Variants in CAB39 observed in about 807,000 individuals in gnomAD.
CAB39 encodes the protein calcium binding protein 39, also known as calcium-binding protein 39.
Under a neutral mutation model 40.0 loss-of-function variants are expected in CAB39, and 8 were observed. The observed-to-expected ratio is 0.20, with a 90% CI of 0.12 to 0.36. CAB39 has a LOEUF of 0.36. Among genes scored for constraint, CAB39 ranks in the 10% least tolerant of loss-of-function variants. CAB39 has a pLI of 1.00. For synonymous variants in CAB39, 156 were observed against 141.6 expected (o/e 1.10, Z -0.72); for missense variants, 270 against 401.1 (o/e 0.67, Z 2.79).
chr2:230,796,224 T>C (rs1303997477), intron 4 of CAB39, among the ~76,000 whole-genome samples: 2 of 152,264 alleles, frequency 1.3e-5, no homozygotes, highest in African/African-American at 4.8e-5. Context: ...ACTGCTTCCA[T>C]ACAGTGTGAT....
intron 3 of CAB39, among the ~76,000 whole-genome samples, chr2:230,792,562 G>A (rs1443717964): frequency 1.3e-5 from 2 of 152,164 alleles, no homozygotes; most frequent in Non-Finnish European, 2.9e-5. Flanking sequence ...GCAGCTTTCC[G>A]ATTGTAAGAT....
At chr2:230,735,716 T>G (rs948035019) in intron 1 of CAB39, among the ~76,000 whole-genome samples, 9 of 151,824 alleles carry the variant, frequency 5.9e-5, no homozygotes, top group Non-Finnish European at 1.3e-4. Context: ...GGTCTCACTG[T>G]GGTGCCCAGG....
At chr2:230,754,710 G>A (rs1695159391) in intron 1 of CAB39, among the ~76,000 whole-genome samples, 1 of 152,136 alleles carries the variant, frequency 6.6e-6, no homozygotes, top group Non-Finnish European at 1.5e-5. Flanking sequence ...GTAGAGACAG[G>A]GTTTTGCCAT....
At chr2:230,797,598 G>A (rs1199715102) in intron 4 of CAB39, among the ~76,000 whole-genome samples, 4 of 152,058 alleles carry the variant, frequency 2.6e-5, no homozygotes, top group African/African-American at 7.2e-5. Context: ...GCCCTTTAAC[G>A]GAAGTTGTCC....
intron 5 of CAB39, among the ~76,000 whole-genome samples, chr2:230,802,928 T>TA (rs1696118165): frequency 6.6e-6 from 1 of 152,172 alleles, no homozygotes; most frequent in Non-Finnish European, 1.5e-5. Context: ...ATCATCCTGA[T>TA]ACCAAAGCCT....
At chr2:230,714,689 A>G (rs556507477) in intron 1 of CAB39, among the ~76,000 whole-genome samples, 80 of 152,350 alleles carry the variant, frequency 5.3e-4, no homozygotes, top group Non-Finnish European at 8.8e-4. Flanking sequence ...CCAGACGTAG[A>G]CCTTTTACAG....
intron 1 of CAB39, among the ~76,000 whole-genome samples, chr2:230,726,261 C>G (rs183720238): frequency 6.6e-6 from 1 of 152,092 alleles, no homozygotes; most frequent in East Asian, 1.9e-4. Flanking sequence ...CTCCTGGATT[C>G]AAGCAATTCT....
intron 1 of CAB39, among the ~76,000 whole-genome samples, chr2:230,727,496 C>T (rs28651047): frequency 0.15 from 21,850 of 149,884 alleles, 2,371 homozygotes; most frequent in African/African-American, 0.31. Context: ...CTCACTGTAG[C>T]CTCAACCTTC....
chr2:230,739,758 T>TG (rs914688287), intron 1 of CAB39, among the ~76,000 whole-genome samples: 2 of 152,220 alleles, frequency 1.3e-5, no homozygotes, highest in African/African-American at 4.8e-5. Flanking sequence ...CCTCCCAAAG[T>TG]GCTGGGATTA....
intron 2 of CAB39, among the ~76,000 whole-genome samples, chr2:230,761,105 G>A (rs918069212): frequency 6.6e-6 from 1 of 151,428 alleles, no homozygotes; most frequent in Non-Finnish European, 1.5e-5. Flanking sequence ...TACATAATGA[G>A]ATCTTGGGGA....
chr2:230,785,219 GAC>G (rs1182366445), intron 2 of CAB39, among the ~76,000 whole-genome samples: 6 of 152,120 alleles, frequency 3.9e-5, no homozygotes, highest in Non-Finnish European at 8.8e-5. Context: ...CAGTAATAAA[GAC>G]ACACAATTGT....
intron 2 of CAB39, among the ~76,000 whole-genome samples, chr2:230,783,713 G>A (rs965588396): frequency 6.6e-6 from 1 of 151,896 alleles, no homozygotes; most frequent in Non-Finnish European, 1.5e-5. Context: ...TGTTTTTCAG[G>A]CTGGTCTCGA....
chr2:230,794,708 G>T (rs1221752516), intron 4 of CAB39, among the ~76,000 whole-genome samples: 1 of 152,144 alleles, frequency 6.6e-6, no homozygotes, highest in South Asian at 2.1e-4. Context: ...CCTTTGTTGT[G>T]AAAAATATAC....
At chr2:230,806,878 G>A (rs1366950213) in intron 5 of CAB39, among the ~76,000 whole-genome samples, 1 of 152,148 alleles carries the variant, frequency 6.6e-6, no homozygotes, top group Non-Finnish European at 1.5e-5. Context: ...TAAGCCCCCT[G>A]GGTTAGCAGG....
chr2:230,804,638 A>G (rs1182931902), intron 5 of CAB39, among the ~76,000 whole-genome samples: 1 of 152,264 alleles, frequency 6.6e-6, no homozygotes, highest in African/African-American at 2.4e-5. Context: ...CAACAGACAC[A>G]TGAAAAAATG....
chr2:230,776,700 TCC>T (rs11297513), intron 2 of CAB39, among the ~76,000 whole-genome samples: 2 of 149,940 alleles, frequency 1.3e-5, no homozygotes, highest in African/African-American at 4.9e-5. Flanking sequence ...CTTTTTTTCT[TCC>T]CCCCCCGAGA....
At position 230,773,314 on chromosome 2, in the gene CAB39, A is replaced by ATATATGTG. The variant is rs371297550; in HGVS notation, c.114+13200_114+13201insATATGTGT. ...GGTGTATGTGTATATATATATATAT[A>ATATATGTG]TGTGTGTGTGTGTGTGTGTGTGTGT... On this transcript the variant is annotated intron_variant, in intron 2 of 8. Transcript: ENST00000258418. Among the ~76,000 whole-genome samples the ATATATGTG allele has an allele frequency of 4.5e-3, 602 of 132,662 alleles. 8 individuals carry two copies. The highest frequency in any genetic ancestry group is 0.027 in the Admixed American group (353 of 13,068). The allele number at this position is 132,662 out of a possible 152,430, so 87.0% of individuals were successfully genotyped here.
At chr2:230,777,358 T>G (rs55839749) in intron 2 of CAB39, among the ~76,000 whole-genome samples, 7,538 of 149,462 alleles carry the variant, frequency 0.05, 552 homozygotes, top group African/African-American at 0.18. Flanking sequence ...TTGGTGTTTT[T>G]TTTGTTTTTT....
intron 1 of CAB39, among the ~76,000 whole-genome samples, chr2:230,759,304 G>A (rs1026997400): frequency 6.6e-6 from 1 of 152,132 alleles, no homozygotes; most frequent in Admixed American, 6.5e-5. Flanking sequence ...AGCCCACTGG[G>A]GTGCTTAGGA....
Sources: allele counts gnomAD v4.1 joint callset (sites outside exome capture counted in the v4.1 genomes callset), GRCh38; gene constraint gnomAD v4.1.1; transcripts MANE v1.5; gene names NCBI Gene and HGNC (gene_info 2026-07-23, HGNC 2026-07-21).